HSD17B12: variants seen among roughly 807,000 people sequenced by gnomAD.
HSD17B12 encodes hydroxysteroid 17-beta dehydrogenase 12, also known as very-long-chain 3-oxoacyl-CoA reductase.
In HSD17B12, 32 loss-of-function variants were observed where a neutral mutation model predicts 39.3. The ratio of observed to expected loss-of-function variants is 0.81; its 90% confidence interval spans 0.61 to 1.09. The LOEUF is 1.09. Ranked by LOEUF, HSD17B12 falls within the 50% of genes least tolerant of loss-of-function variation. The probability of loss-of-function intolerance (pLI) is 0.00; values close to 1 mark genes in which losing one functional copy is unlikely to be tolerated. For synonymous variants in HSD17B12, 150 were observed against 146.7 expected, an observed-to-expected ratio of 1.02 and a Z score of -0.16; for missense variants, 342 against 382.9, an observed-to-expected ratio of 0.89 and a Z score of 0.89.
intron 1 of HSD17B12, among the ~76,000 whole-genome samples, chr11:43,698,442 A>C (rs913127079): frequency 3.1e-4 from 47 of 152,148 alleles, no homozygotes; most frequent in Admixed American, 1.9e-3. Flanking sequence ...GGAAAAGGAA[A>C]ATGTTATTTT....
intron 1 of HSD17B12, among the ~76,000 whole-genome samples, chr11:43,691,612 A>G (rs1949863663): frequency 1.3e-5 from 2 of 152,162 alleles, no homozygotes; most frequent in Admixed American, 6.5e-5. Context: ...AGTTTAATCT[A>G]CCAGTGAAGC....
Position 43,855,754 on chromosome 11 carries a change from T to C in HSD17B12, c.*506T>C, listed in dbSNP as rs1951577297. 1 of 152,544 alleles carries C rather than the reference T, an allele frequency of 6.6e-6. No homozygotes were observed. 9.4% of individuals were successfully genotyped at this position (152,544 alleles called of 1,614,324 possible). ...ATCTCTTTACGGTTTTATAAAATTA[T>C]CTTCCAGTTTGTACATTTATATGGA... On this transcript the variant is annotated 3_prime_UTR_variant, in exon 11 of 11. Coordinates refer to ENST00000278353, the MANE Select transcript of HSD17B12 (RefSeq NM_016142.3).
chr11:43,567,058 C>T, the HSD17B12 span, among the ~76,000 whole-genome samples: 7 of 152,314 alleles, frequency 4.6e-5, 1 homozygote, highest in African/African-American at 1.7e-4. Context: ...CTCCTGAGAG[C>T]AGGCAAGAAC....
intron 1 of HSD17B12, among the ~76,000 whole-genome samples, chr11:43,713,906 T>C (rs1046867000): frequency 7.2e-5 from 11 of 152,366 alleles, no homozygotes; most frequent in Admixed American, 3.9e-4. Flanking sequence ...CATGTGCCTG[T>C]TGGCTGCATA....
upstream of HSD17B12, among the ~76,000 whole-genome samples, chr11:43,678,304 T>G (rs1038485745): frequency 2.6e-5 from 4 of 152,240 alleles, no homozygotes; most frequent in Admixed American, 6.5e-5. Context: ...TGTAAATTTG[T>G]TTGAGTTCTT....
At chr11:43,756,357 C>G (rs1041131641) in intron 3 of HSD17B12, among the ~76,000 whole-genome samples, 2 of 151,974 alleles carry the variant, frequency 1.3e-5, no homozygotes, top group Admixed American at 1.3e-4. Flanking sequence ...AATGCAACCC[C>G]AAAGGGCCAA....
chr11:43,716,967 A>C (rs1433496670), intron 1 of HSD17B12, among the ~76,000 whole-genome samples: 1 of 152,038 alleles, frequency 6.6e-6, no homozygotes, highest in East Asian at 1.9e-4. Context: ...ATTCACATGC[A>C]CAAAATTTAC....
At chr11:43,765,398 C>A (rs1055398955) in intron 3 of HSD17B12, among the ~76,000 whole-genome samples, 1 of 151,854 alleles carries the variant, frequency 6.6e-6, no homozygotes, top group African/African-American at 2.4e-5. Flanking sequence ...GTTATTCTTA[C>A]CATTTTATCA....
At chr11:43,775,645 A>G (rs937104274) in intron 3 of HSD17B12, among the ~76,000 whole-genome samples, 1 of 151,802 alleles carries the variant, frequency 6.6e-6, no homozygotes, top group Non-Finnish European at 1.5e-5. Flanking sequence ...TTTAGGGTAC[A>G]TGTGCACAAT....
chr11:43,593,518 A>G, the HSD17B12 span, among the ~76,000 whole-genome samples: 16 of 152,358 alleles, frequency 1.1e-4, no homozygotes, highest in African/African-American at 3.8e-4. Flanking sequence ...AGCCTTAAGT[A>G]TAGGGAAATC....
At chr11:43,643,257 A>G in the HSD17B12 span, among the ~76,000 whole-genome samples, 1 of 152,126 alleles carries the variant, frequency 6.6e-6, no homozygotes, top group Non-Finnish European at 1.5e-5. Flanking sequence ...CAAACAGGAT[A>G]TTGAACTTAC....
chr11:43,725,739 T>C (rs1565065061), intron 1 of HSD17B12, among the ~76,000 whole-genome samples: 1 of 152,166 alleles, frequency 6.6e-6, no homozygotes, highest in Non-Finnish European at 1.5e-5. Context: ...AAGTTATTAC[T>C]ATGTTAGAAG....
chr11:43,839,971 TTTC>T, intron 8 of HSD17B12, 25 bp from the exon 9 acceptor site: 3 of 1,583,378 alleles, frequency 1.9e-6, no homozygotes, highest in Non-Finnish European at 2.6e-6. Context: ...ATGTGTGTGT[TTTC>T]TTCTCACTCC....
chr11:43,566,687 G>A, the HSD17B12 span, among the ~76,000 whole-genome samples: 55 of 152,124 alleles, frequency 3.6e-4, 2 homozygotes, highest in African/African-American at 1.1e-3. Flanking sequence ...ACACCGCCAC[G>A]CCCGGCTAAT....
At chr11:43,556,919 G>A in the HSD17B12 span, 2 of 151,388 alleles carry the variant, frequency 1.3e-5, no homozygotes, top group Admixed American at 6.6e-5. Context: ...TAAAGCATGC[G>A]GAGGGGAAAA....
At chr11:43,822,880 A>T (rs995569903) in intron 6 of HSD17B12, among the ~76,000 whole-genome samples, 4 of 152,212 alleles carry the variant, frequency 2.6e-5, no homozygotes, top group African/African-American at 9.6e-5. Flanking sequence ...TGGTATTTGT[A>T]GTTCTAGATC....
chr11:43,753,106 T>G (rs1442618417), intron 2 of HSD17B12, among the ~76,000 whole-genome samples: 1 of 152,190 alleles, frequency 6.6e-6, no homozygotes. Flanking sequence ...TTTCCTCTAC[T>G]ACTATATTTA....
chr11:43,628,157 C>T, the HSD17B12 span, among the ~76,000 whole-genome samples: 2 of 151,730 alleles, frequency 1.3e-5, no homozygotes. Context: ...TTCATTTAAG[C>T]ATTCTCAATG....
At chr11:43,784,305 T>C (rs1425662855) in intron 3 of HSD17B12, among the ~76,000 whole-genome samples, 2 of 34,076 alleles carry the variant, frequency 5.9e-5, no homozygotes, top group Non-Finnish European at 8.6e-5. Context: ...GGATTGATAT[T>C]ATTATTATTA....
Sources: allele counts gnomAD v4.1 joint callset (sites outside exome capture counted in the v4.1 genomes callset), GRCh38; gene constraint gnomAD v4.1.1; transcripts MANE v1.5; gene names NCBI Gene and HGNC (gene_info 2026-07-23, HGNC 2026-07-21).